Variants in COL25A1 observed in about 807,000 individuals in gnomAD.
The protein encoded by COL25A1 is collagen type XXV alpha 1 chain, also known as collagen alpha-1(XXV) chain.
Under a neutral mutation model 128.4 loss-of-function variants are expected in COL25A1, and 103 were observed. The ratio of observed to expected loss-of-function variants is 0.80; its 90% CI spans 0.68 to 0.94. COL25A1 has a LOEUF of 0.94. Among genes scored for constraint, COL25A1 ranks in the 40% least tolerant of loss-of-function variants. The pLI is 0.00. For missense variants in COL25A1, 745 were observed against 840.0 expected, an observed-to-expected ratio of 0.89 and a Z score of 1.40; for synonymous variants, 279 against 277.2, an observed-to-expected ratio of 1.01 and a Z score of -0.06.
At chr4:108,891,591 C>A (rs1488834886) in intron 16 of COL25A1, among the ~76,000 whole-genome samples, 2 of 152,088 alleles carry the variant, frequency 1.3e-5, no homozygotes, top group Non-Finnish European at 2.9e-5. Context: ...TTAAACCTCA[C>A]AAAACTCTCA....
intron 3 of COL25A1, among the ~76,000 whole-genome samples, chr4:109,179,971 C>T (rs1184947999): frequency 6.6e-6 from 1 of 152,156 alleles, no homozygotes; most frequent in African/African-American, 2.4e-5. Flanking sequence ...ATAGATGCCT[C>T]AGTGCAGTAA....
chr4:108,866,345 G>A (rs1472396405), intron 20 of COL25A1, among the ~76,000 whole-genome samples: 2 of 151,748 alleles, frequency 1.3e-5, no homozygotes, highest in Non-Finnish European at 2.9e-5. Flanking sequence ...GGCATGCGCC[G>A]CCATGCCCAG....
At chr4:109,222,099 C>G (rs1443134902) in intron 3 of COL25A1, among the ~76,000 whole-genome samples, 1 of 118,282 alleles carries the variant, frequency 8.5e-6, no homozygotes, top group African/African-American at 3.4e-5. Flanking sequence ...GAGTCTCTCT[C>G]TGTCACCAGG....
chr4:109,287,900 G>C (rs771966399), intron 3 of COL25A1, among the ~76,000 whole-genome samples: 1 of 152,186 alleles, frequency 6.6e-6, no homozygotes, highest in Non-Finnish European at 1.5e-5. Flanking sequence ...AGACCAATGG[G>C]AGACATATGG....
chr4:108,893,891 T>A (rs1304418269), intron 16 of COL25A1, among the ~76,000 whole-genome samples: 2 of 152,184 alleles, frequency 1.3e-5, no homozygotes, highest in Non-Finnish European at 2.9e-5. Flanking sequence ...ACAGGTCGGA[T>A]TACATATTAT....
At chr4:109,256,009 C>T (rs1489231379) in intron 3 of COL25A1, among the ~76,000 whole-genome samples, 1 of 152,016 alleles carries the variant, frequency 6.6e-6, no homozygotes, top group Non-Finnish European at 1.5e-5. Flanking sequence ...ATCTCACCTC[C>T]TCCACATGTA....
At chr4:109,109,239 C>T (rs60816933) in intron 3 of COL25A1, among the ~76,000 whole-genome samples, 4,099 of 152,244 alleles carry the variant, frequency 0.027, 205 homozygotes, top group African/African-American at 0.093. Context: ...CAGATGTGCA[C>T]CATCACACCT....
At chr4:109,069,922 A>G (rs1362047329) in intron 3 of COL25A1, among the ~76,000 whole-genome samples, 3 of 152,130 alleles carry the variant, frequency 2.0e-5, no homozygotes, top group Non-Finnish European at 2.9e-5. Flanking sequence ...AAATAAAAGC[A>G]AGATAACTAT....
intron 15 of COL25A1, among the ~76,000 whole-genome samples, chr4:108,897,615 T>C (rs1271928045): frequency 1.3e-5 from 2 of 152,220 alleles, no homozygotes; most frequent in African/African-American, 4.8e-5. Flanking sequence ...ACACTGTGTG[T>C]AAAGCAACTA....
chr4:109,191,875 C>G (rs1440982229), intron 3 of COL25A1, among the ~76,000 whole-genome samples: 2 of 152,184 alleles, frequency 1.3e-5, no homozygotes, highest in South Asian at 4.1e-4. Context: ...GGAATTTACA[C>G]ACTGATACCA....
chr4:109,163,316 G>A (rs1772758369), intron 3 of COL25A1, among the ~76,000 whole-genome samples: 1 of 152,182 alleles, frequency 6.6e-6, no homozygotes, highest in Non-Finnish European at 1.5e-5. Context: ...GTTACTAAGT[G>A]GGTGGCACAG....
chr4:108,915,041 A>C (rs1387828627), intron 13 of COL25A1, among the ~76,000 whole-genome samples: 1 of 152,120 alleles, frequency 6.6e-6, no homozygotes. Flanking sequence ...TCTGTACCAC[A>C]CTACCTCCTA....
At chr4:109,215,843 TC>T (rs1308540950) in intron 3 of COL25A1, among the ~76,000 whole-genome samples, 1 of 152,108 alleles carries the variant, frequency 6.6e-6, no homozygotes, top group Non-Finnish European at 1.5e-5. Flanking sequence ...CTCAAAGCGA[TC>T]TTTTCTACAT....
chr4:109,176,871 G>C (rs1774154897), intron 3 of COL25A1, among the ~76,000 whole-genome samples: 1 of 152,170 alleles, frequency 6.6e-6, no homozygotes. Flanking sequence ...ATCACCTGGA[G>C]CTACAAGAAG....
At chr4:109,066,776 C>A (rs1384656856) in intron 3 of COL25A1, among the ~76,000 whole-genome samples, 1 of 152,116 alleles carries the variant, frequency 6.6e-6, no homozygotes, top group Non-Finnish European at 1.5e-5. Flanking sequence ...GATCCTCCTG[C>A]CTCACTCTCC....
intron 8 of COL25A1, among the ~76,000 whole-genome samples, chr4:108,961,624 C>G (rs1750711260): frequency 6.7e-6 from 1 of 148,544 alleles, no homozygotes; most frequent in Non-Finnish European, 1.5e-5. Flanking sequence ...CTGTTCTGTT[C>G]TGTTGTTGTG....
At chr4:109,249,386 A>G (rs1027655222) in intron 3 of COL25A1, among the ~76,000 whole-genome samples, 3 of 142,764 alleles carry the variant, frequency 2.1e-5, no homozygotes, top group Non-Finnish European at 4.6e-5. Flanking sequence ...TAATTAATGT[A>G]TTAATGAACT....
intron 3 of COL25A1, among the ~76,000 whole-genome samples, chr4:109,088,694 G>T (rs1764631513): frequency 6.6e-6 from 1 of 152,178 alleles, no homozygotes; most frequent in Non-Finnish European, 1.5e-5. Context: ...AGTAGTAAGT[G>T]AGACAGTTTC....
chr4:109,290,268 T>A (rs12499179), intron 3 of COL25A1, among the ~76,000 whole-genome samples: 15,511 of 152,082 alleles, frequency 0.1, 1,025 homozygotes, highest in East Asian at 0.29. Context: ...ACCTTTTTTT[T>A]AAAATTCCAA....
Sources: allele counts gnomAD v4.1 joint callset (sites outside exome capture counted in the v4.1 genomes callset), GRCh38; gene constraint gnomAD v4.1.1; transcripts MANE v1.5; gene names NCBI Gene and HGNC (gene_info 2026-07-23, HGNC 2026-07-21).